Variants in SYN3 observed in about 807,000 individuals in gnomAD.
SYN3 encodes synapsin III.
Under a neutral mutation model 65.8 loss-of-function variants are expected in SYN3, and 35 were observed. The ratio of observed to expected loss-of-function variants is 0.53; its 90% confidence interval spans 0.41 to 0.70. The LOEUF (loss-of-function observed/expected upper bound fraction) is 0.70, where lower values mean the gene tolerates loss of function less well. SYN3 is among the 30% of genes least tolerant of loss of function. The pLI is 0.00. For synonymous variants in SYN3, 270 were observed against 292.9 expected, an observed-to-expected ratio of 0.92 and a Z score of 0.80; for missense variants, 680 against 749.0, an observed-to-expected ratio of 0.91 and a Z score of 1.08.
chr22:32,942,400 G>A (rs1262416453), intron 3 of SYN3, among the ~76,000 whole-genome samples: 1 of 152,220 alleles, frequency 6.6e-6, no homozygotes, highest in Non-Finnish European at 1.5e-5. Flanking sequence ...CTGTTAGAAG[G>A]AAAACTAACA....
At chr22:32,921,800 C>T (rs1322077234) in intron 4 of SYN3, among the ~76,000 whole-genome samples, 1 of 152,116 alleles carries the variant, frequency 6.6e-6, no homozygotes, top group Non-Finnish European at 1.5e-5. Flanking sequence ...ATCCTCACTG[C>T]AACCCTATGA....
intron 1 of SYN3, among the ~76,000 whole-genome samples, chr22:33,050,238 T>C (rs1029111687): frequency 2.0e-5 from 3 of 151,828 alleles, no homozygotes; most frequent in African/African-American, 7.3e-5. Flanking sequence ...CCCCAGCAGT[T>C]TGGGAGGCTG....
chr22:32,657,748 C>T (rs2060162613), intron 6 of SYN3, among the ~76,000 whole-genome samples: 1 of 152,200 alleles, frequency 6.6e-6, no homozygotes, highest in Admixed American at 6.5e-5. Flanking sequence ...ATGCTTGGGA[C>T]AGGATCAGGC....
intron 3 of SYN3, among the ~76,000 whole-genome samples, chr22:32,960,917 T>C (rs2051628612): frequency 6.6e-6 from 1 of 152,194 alleles, no homozygotes; most frequent in African/African-American, 2.4e-5. Flanking sequence ...CTGAGGCTGC[T>C]AACAGGAACT....
chr22:32,772,048 T>G (rs2045783838), intron 6 of SYN3, among the ~76,000 whole-genome samples: 1 of 152,012 alleles, frequency 6.6e-6, no homozygotes. Context: ...CCAGAGAGGA[T>G]GGGGCAAAAC....
At chr22:32,527,163 T>TTCTA (rs1479743397) in intron 12 of SYN3, among the ~76,000 whole-genome samples, 1 of 152,208 alleles carries the variant, frequency 6.6e-6, no homozygotes, top group Non-Finnish European at 1.5e-5. Context: ...TCTTCCCTTT[T>TTCTA]TCTATCTTTC....
At chr22:32,634,942 T>C (rs1295814928) in intron 6 of SYN3, among the ~76,000 whole-genome samples, 1 of 152,094 alleles carries the variant, frequency 6.6e-6, no homozygotes, top group Non-Finnish European at 1.5e-5. Context: ...CAACTTTTTT[T>C]TTTTTAGCTC....
chr22:32,723,842 C>T (rs1223771629), intron 6 of SYN3, among the ~76,000 whole-genome samples: 1 of 152,224 alleles, frequency 6.6e-6, no homozygotes, highest in Non-Finnish European at 1.5e-5. Flanking sequence ...CCGGAGGCCC[C>T]AGGGATAGGG....
chr22:32,827,661 G>A (rs1461692995), intron 6 of SYN3, among the ~76,000 whole-genome samples: 2 of 152,156 alleles, frequency 1.3e-5, no homozygotes. Context: ...TTTAAAAAAT[G>A]TCAGTCACAT....
At chr22:32,533,619 C>T (rs963029789) in intron 10 of SYN3, among the ~76,000 whole-genome samples, 174 bp downstream of exon 10, 1 of 152,158 alleles carries the variant, frequency 6.6e-6, no homozygotes, top group African/African-American at 2.4e-5. Context: ...TGAAGCCTTT[C>T]GATGCCTCTG....
At chr22:32,663,177 C>T (rs1008410291) in intron 6 of SYN3, among the ~76,000 whole-genome samples, 4 of 152,172 alleles carry the variant, frequency 2.6e-5, no homozygotes, top group African/African-American at 9.7e-5. Context: ...AAACCCCTTT[C>T]GCTTGGCTCT....
At chr22:32,583,866 T>G (rs946201167) in intron 7 of SYN3, 8 of 152,238 alleles carry the variant, frequency 5.3e-5, no homozygotes, top group Non-Finnish European at 8.8e-5. Context: ...ATATCCCCAT[T>G]GTTCCTATAG....
chr22:32,879,224 A>T (rs1052177466), intron 4 of SYN3, among the ~76,000 whole-genome samples: 32 of 152,198 alleles, frequency 2.1e-4, no homozygotes, highest in African/African-American at 7.0e-4. Context: ...AGGGAGGTAA[A>T]GTTTCATGGA....
chr22:32,551,477 G>T (rs1030941416), intron 7 of SYN3, among the ~76,000 whole-genome samples: 9 of 150,760 alleles, frequency 6.0e-5, no homozygotes, highest in African/African-American at 2.2e-4. Context: ...TAGCATGTAG[G>T]AAATTCTACA....
chr22:32,709,817 A>G (rs1016795535), intron 6 of SYN3, among the ~76,000 whole-genome samples: 2 of 152,014 alleles, frequency 1.3e-5, no homozygotes, highest in African/African-American at 4.8e-5. Flanking sequence ...TCTCATGGAG[A>G]AGTTCCCTAT....
At chr22:32,520,966 T>A (rs887664129) in intron 12 of SYN3, among the ~76,000 whole-genome samples, 2 of 152,224 alleles carry the variant, frequency 1.3e-5, no homozygotes, top group African/African-American at 4.8e-5. Flanking sequence ...TTTTGTGAGC[T>A]TGTGGAACAC....
rs560733735 is a variant in SYN3 at position 32,966,800 on chromosome 22, C to T, written c.369+13845G>A. 7.2e-5 allele frequency among the ~76,000 whole-genome samples: 11 copies of T among 152,168 alleles called. No individual in the cohort carries two copies. The East Asian group carries it at 9.7e-4, about 13-fold the overall frequency. On this transcript the variant is annotated intron_variant, in intron 3 of 13. Coordinates refer to ENST00000358763, the MANE Select transcript of SYN3 (RefSeq NM_003490.4). ...GTGTTGTGGTGCGCACCTGTCATCG[C>T]GGCTACCCAGGAGGCTGAGGTGAGA...
chr22:32,585,822 G>A (rs763227604), intron 7 of SYN3, among the ~76,000 whole-genome samples: 1 of 151,638 alleles, frequency 6.6e-6, no homozygotes, highest in South Asian at 2.1e-4. Context: ...CAAATTTAAG[G>A]ACTCTTTACA....
At chr22:32,715,051 G>T (rs984227697) in intron 6 of SYN3, among the ~76,000 whole-genome samples, 2 of 152,164 alleles carry the variant, frequency 1.3e-5, no homozygotes, top group Non-Finnish European at 2.9e-5. Context: ...ATTTTATGAT[G>T]AAATACATTA....
Sources: gnomAD v4.1 joint callset for allele counts (sites outside exome capture counted in the v4.1 genomes callset) on GRCh38, gnomAD v4.1.1 for gene constraint, MANE v1.5 for transcripts, NCBI Gene and HGNC (gene_info 2026-07-23, HGNC 2026-07-21) for gene names.